CNGB1: variants seen among roughly 807,000 people sequenced by gnomAD.
CNGB1 encodes the protein cyclic nucleotide gated channel subunit beta 1, also known as cyclic nucleotide-gated channel beta-1.
In CNGB1, 126 loss-of-function variants were observed where a neutral mutation model predicts 151.7. That is an observed-to-expected ratio of 0.83 (90% confidence interval 0.72 to 0.96). The LOEUF (loss-of-function observed/expected upper bound fraction) is 0.96. CNGB1 is among the 40% of genes least tolerant of loss of function. The pLI is 0.00. For missense variants in CNGB1, 1,698 were observed against 1,627.0 expected (o/e 1.04, Z -0.75); for synonymous variants, 623 against 635.1 (o/e 0.98, Z 0.29).
At chr16:57,904,528 A>ATG (rs1242678805) in intron 26 of CNGB1, among the ~76,000 whole-genome samples, 2 of 152,120 alleles carry the variant, frequency 1.3e-5, no homozygotes, top group African/African-American at 4.8e-5. Context: ...TCAAATGATA[A>ATG]TGACCTCAGA....
rs571023333 is a variant in CNGB1, at chr16:57,962,581, C to T, written c.442G>A (p.Glu148Lys). ...GCTDEPNEAL[E>K]AQDTRPGLRL... ...GGGACTCACCTAGTGTCTTGGGCCT[C>T]AAGGGCCTCATTGGGTTCATCTGTG... Residue 148 changes from glutamate to lysine, a missense_variant, in exon 7 of 33, where the codon GAG becomes AAG. Physicochemically the swap from Glu to Lys is moderately conservative, Grantham distance 56. Transcript: ENST00000251102. The T allele has an allele frequency of 3.1e-6, 5 of 1,614,086 alleles. No homozygotes were observed. The South Asian group carries it at 4.4e-5, about 14-fold the overall frequency.
At chr16:57,900,865 A>G (rs1220941994) in intron 29 of CNGB1, among the ~76,000 whole-genome samples, 20 of 152,118 alleles carry the variant, frequency 1.3e-4, no homozygotes, top group Admixed American at 1.2e-3. Context: ...ATTAGAAAAA[A>G]AAAAACCCAC....
In CNGB1 at chr16:57,884,231, C is replaced by T. The variant is rs1449144100; in HGVS notation, c.3689G>A (p.Gly1230Asp). Residue 1230 changes from glycine (G) to aspartate (D), a missense_variant, in exon 33 of 33, where the codon GGC becomes GAC. By Grantham distance (94) the Gly-to-Asp change is moderately conservative (BLOSUM62 -1). Coordinates refer to ENST00000251102, the MANE Select transcript of CNGB1 (RefSeq NM_001297.5). Reference protein sequence around the residue: ...EHSVRICMSPGPEPGEQILSV... With the variant: ...EHSVRICMSPDPEPGEQILSV... ...CAGGATCTGCTCTCCCGGCTCCGGGCCCGGGCTCATGCAGATCCTCACCGA... is the reference window on the plus strand; with the variant it reads ...CAGGATCTGCTCTCCCGGCTCCGGGTCCGGGCTCATGCAGATCCTCACCGA... 4 of 1,613,960 alleles carry T rather than the reference C, an allele frequency of 2.5e-6. No individual in the cohort carries two copies. The highest frequency in any genetic ancestry group is 3.4e-6 in the Non-Finnish European group (4 of 1,179,914).
At chr16:57,916,050 G>A (rs1001509969) in intron 22 of CNGB1, 79 bp downstream of exon 22, 12 of 1,362,252 alleles carry the variant, frequency 8.8e-6, no homozygotes, top group East Asian at 4.6e-5. Flanking sequence ...TCTCATGAAC[G>A]CCCCAGGCAC....
At chr16:57,915,394 G>A (rs1298632279) in intron 22 of CNGB1, 59 bp from the exon 23 acceptor site, 21 of 1,349,134 alleles carry the variant, frequency 1.6e-5, no homozygotes, top group Non-Finnish European at 1.9e-5. Flanking sequence ...TGGAAGGTGA[G>A]GGGAGTGAGA....
At position 57,882,714 on chromosome 16, in the gene CNGB1, C is replaced by A. The variant is rs1959787358; in HGVS notation, c.*1450G>T. On this transcript the variant is annotated 3_prime_UTR_variant, in exon 33 of 33. Transcript: ENST00000251102. ...ATTTTGTTTTTAATCACTCACTCCC[C>A]CAAGAGCCATTTGGTATGCAAATAA... is the stretch of plus-strand genomic sequence containing the variant. 2.6e-5 allele frequency: 4 copies of A among 152,082 alleles called. No homozygotes were observed. The highest frequency in any genetic ancestry group is 2.6e-4 in the Admixed American group (4 of 15,260). The allele number at this position is 152,082 out of a possible 1,614,324, so 9.4% of individuals were successfully genotyped here.
chr16:57,951,938 A>T (rs16959581), intron 12 of CNGB1, among the ~76,000 whole-genome samples: 4,399 of 152,254 alleles, frequency 0.029, 189 homozygotes, highest in African/African-American at 0.1. Flanking sequence ...AGCTGTTTCC[A>T]TGGTTGCTCC....
In CNGB1 at chr16:57,962,830, C is replaced by T. The variant is rs573010503; in HGVS notation, c.412+12G>A. 39 of 1,612,800 alleles carry T rather than the reference C, an allele frequency of 2.4e-5. No individual in the cohort carries two copies. The Admixed American group carries it at 2.5e-4, about 10-fold the overall frequency. On this transcript the variant is annotated intron_variant, in intron 6 of 32. Coordinates refer to ENST00000251102, the MANE Select transcript of CNGB1 (RefSeq NM_001297.5). ...CCTGCTGCTGAAAAGCCATCCTGCC[C>T]CTTGTTCTTACCTGTGTCCCCAGTG...
At chr16:57,940,881 T>G (rs1210242060) in intron 14 of CNGB1, among the ~76,000 whole-genome samples, 1 of 152,016 alleles carries the variant, frequency 6.6e-6, no homozygotes, top group African/African-American at 2.4e-5. Context: ...TGCTGAAGTT[T>G]TCATGGGTGC....
chr16:57,958,540 G>C, intron 10 of CNGB1, 55 bp from the exon 11 acceptor site: 5 of 1,492,378 alleles, frequency 3.4e-6, no homozygotes, highest in Non-Finnish European at 4.7e-6. Flanking sequence ...TGGGTAAACT[G>C]AGGCTGGAGT....
In CNGB1 at chr16:57,883,794, C is replaced by CT. The variant is rs1416710641; in HGVS notation, c.*369dup. 1.1e-5 allele frequency: 4 copies of CT among 351,146 alleles called. No individual in the cohort carries two copies. Among genetic ancestry groups the CT allele is most frequent in the Non-Finnish European group, 1.6e-5 (3 of 187,802 alleles). The allele number at this position is 351,146 out of a possible 1,614,324, so 21.8% of individuals were successfully genotyped here. On this transcript the variant is annotated 3_prime_UTR_variant, in exon 33 of 33. Coordinates refer to ENST00000251102, the MANE Select transcript of CNGB1 (RefSeq NM_001297.5). ...ACCCCACACATTCAATAACACTTTA[C>CT]TTTTTCAGCAAAGCTTCCCATGTAT...
Position 57,930,580 on chromosome 16 carries a change from G to A in CNGB1, c.1535+1136C>T, listed in dbSNP as rs541475551. Among the ~76,000 whole-genome samples, 5 of 135,656 alleles carry A rather than the reference G, an allele frequency of 3.7e-5. No individual in the cohort carries two copies. In the South Asian group the frequency reaches 1.3e-3, roughly 36 times the overall value. 89.0% of individuals were successfully genotyped at this position (135,656 alleles called of 152,430 possible). On this transcript the variant is annotated intron_variant, in intron 17 of 32. Coordinates refer to ENST00000251102, the MANE Select transcript of CNGB1 (RefSeq NM_001297.5). Reference sequence around the variant, plus strand: ...GGGAAGGAGGAGGGGAAGGGGGAGGGGGAAGAAAGGAAGGAAAAAAGAAAA... The same window carrying A: ...GGGAAGGAGGAGGGGAAGGGGGAGGAGGAAGAAAGGAAGGAAAAAAGAAAA...
chr16:57,904,685 G>A lies in CNGB1; in HGVS notation c.2634+49C>T, dbSNP rs757656829. 3.1e-6 allele frequency: 5 copies of A among 1,612,548 alleles called. No individual in the cohort carries two copies. In the East Asian group the frequency reaches 8.9e-5, roughly 29 times the overall value. On this transcript the variant is annotated intron_variant, in intron 26 of 32. Coordinates refer to ENST00000251102, the MANE Select transcript of CNGB1 (RefSeq NM_001297.5). ...GTGACATTTCTGGCAACAGTGGGAG[G>A]GGGCCCTGCAGTCAGGTGGGGTGGG...
At chr16:57,950,242 AGAAGGATGGCTGTATGAAGGCAGGGG>A in intron 13 of CNGB1, 113 bp downstream of exon 13, 3 of 997,292 alleles carry the variant, frequency 3.0e-6, no homozygotes, top group Non-Finnish European at 4.7e-6. Flanking sequence ...TACCCATGGG[AGAAGGATGGCTGTATGAAGGCAGGGG>A]GAAGCAGGCT....
intron 16 of CNGB1, among the ~76,000 whole-genome samples, chr16:57,932,781 C>A (rs1374242084): frequency 2.0e-5 from 3 of 152,176 alleles, no homozygotes; most frequent in African/African-American, 7.2e-5. Flanking sequence ...CGGGTTTCAC[C>A]GTGTTAGCCA....
chr16:57,924,703 G>A (rs778423351), intron 17 of CNGB1, among the ~76,000 whole-genome samples: 1 of 152,164 alleles, frequency 6.6e-6, no homozygotes. Flanking sequence ...CAGTGTTGGC[G>A]GTGGGGCTTG....
chr16:57,903,547 G>C (rs1480726251), intron 27 of CNGB1, among the ~76,000 whole-genome samples: 3 of 152,136 alleles, frequency 2.0e-5, no homozygotes, highest in African/African-American at 7.2e-5. Flanking sequence ...CTCTTGGATG[G>C]GGATGCATTT....
chr16:57,932,590 G>GT (rs1218478737), intron 16 of CNGB1, among the ~76,000 whole-genome samples: 3 of 147,292 alleles, frequency 2.0e-5, no homozygotes, highest in Non-Finnish European at 3.0e-5. Flanking sequence ...GTTTTGTTTT[G>GT]TTTTTTTGAG....
At chr16:57,890,359 T>C (rs1596948369) in intron 31 of CNGB1, among the ~76,000 whole-genome samples, 1 of 152,300 alleles carries the variant, frequency 6.6e-6, no homozygotes, top group Non-Finnish European at 1.5e-5. Context: ...ACGCGCCAGC[T>C]CGGCACTGTC....
Sources: gnomAD v4.1 joint callset for allele counts (sites outside exome capture counted in the v4.1 genomes callset) on GRCh38, gnomAD v4.1.1 for gene constraint, MANE v1.5 for transcripts, NCBI Gene and HGNC (gene_info 2026-07-23, HGNC 2026-07-21) for gene names.